Variants in NBPF15 observed in about 807,000 individuals in gnomAD.
NBPF15 encodes NBPF member 15.
In NBPF15, 74 loss-of-function variants were observed where a neutral mutation model predicts 62.2. The observed-to-expected ratio is 1.19, with a 90% CI of 0.99 to 1.44. The LOEUF is 1.44. NBPF15 is among the 40% of genes most tolerant of loss of function. The pLI is 0.00. For missense variants in NBPF15, 790 were observed against 550.0 expected, an observed-to-expected ratio of 1.44 and a Z score of -4.36; for synonymous variants, 244 against 209.7, an observed-to-expected ratio of 1.16 and a Z score of -1.41.
intron 4 of NBPF15, among the ~76,000 whole-genome samples, chr1:144,455,479 C>G (rs1398743524): frequency 1.3e-5 from 2 of 152,006 alleles, no homozygotes; most frequent in African/African-American, 4.8e-5. Context: ...CATTATTCCT[C>G]TGGCCCACTG....
At chr1:144,429,118 A>C (rs1247555445) in intron 14 of NBPF15, among the ~76,000 whole-genome samples, 2 of 151,880 alleles carry the variant, frequency 1.3e-5, no homozygotes, top group Non-Finnish European at 2.9e-5. Flanking sequence ...AGCATCAGCT[A>C]TTATGGCTTT....
At chr1:144,458,767 G>C (rs1212791526) in intron 3 of NBPF15, among the ~76,000 whole-genome samples, 1 of 152,098 alleles carries the variant, frequency 6.6e-6, no homozygotes, top group South Asian at 2.1e-4. Context: ...TAGCCGGGTG[G>C]GGTGGCTCAT....
chr1:144,451,201 C>T (rs1306457209), intron 4 of NBPF15, among the ~76,000 whole-genome samples: 4 of 151,864 alleles, frequency 2.6e-5, no homozygotes, highest in South Asian at 2.1e-4. Flanking sequence ...GAAAAAAGTG[C>T]TGTGCTTTTG....
At chr1:144,429,376 G>T (rs1234065898) in intron 14 of NBPF15, among the ~76,000 whole-genome samples, 1 of 151,266 alleles carries the variant, frequency 6.6e-6, no homozygotes, top group African/African-American at 2.5e-5. Context: ...TAATTCAGAT[G>T]AGCTGAGCTG....
At chr1:144,459,990 TGTGGTG>T (rs1326540798) in intron 2 of NBPF15, among the ~76,000 whole-genome samples, 4 of 150,362 alleles carry the variant, frequency 2.7e-5, no homozygotes, top group Non-Finnish European at 4.4e-5. Flanking sequence ...TTTCTTGATC[TGTGGTG>T]GTTCACTTGG....
At chr1:144,451,840 A>G (rs1429198096) in intron 4 of NBPF15, among the ~76,000 whole-genome samples, 3 of 151,230 alleles carry the variant, frequency 2.0e-5, no homozygotes, top group Admixed American at 6.6e-5. Flanking sequence ...CACAGTAACA[A>G]TCTGATATCT....
intron 17 of NBPF15, among the ~76,000 whole-genome samples, chr1:144,426,796 A>C (rs1280373060): frequency 2.6e-5 from 4 of 151,244 alleles, no homozygotes; most frequent in African/African-American, 4.9e-5. Flanking sequence ...TTTTCCATAA[A>C]CTTGCTCAAG....
intron 6 of NBPF15, among the ~76,000 whole-genome samples, chr1:144,444,161 G>C (rs1220145708): frequency 1.3e-5 from 2 of 150,892 alleles, no homozygotes; most frequent in African/African-American, 4.9e-5. Flanking sequence ...GGGCTATTAT[G>C]AAGAAACTAT....
chr1:144,428,860 C>T (rs1222786781), intron 14 of NBPF15, among the ~76,000 whole-genome samples: 2 of 151,856 alleles, frequency 1.3e-5, no homozygotes, highest in Non-Finnish European at 2.9e-5. Flanking sequence ...GGCAAAATTC[C>T]CCTGTTTTGG....
At chr1:144,442,649 T>A (rs1158861457) in intron 6 of NBPF15, 1 of 154,556 alleles carries the variant, frequency 6.5e-6, no homozygotes, top group Non-Finnish European at 1.5e-5. Context: ...GACACGGCCA[T>A]TGTTGGCAAC....
chr1:144,456,022 C>G (rs12035621), intron 4 of NBPF15, among the ~76,000 whole-genome samples: 1 of 151,972 alleles, frequency 6.6e-6, no homozygotes, highest in Non-Finnish European at 1.5e-5. Context: ...ACACATTATA[C>G]TGGCAACTGA....
At chr1:144,428,935 A>G in intron 14 of NBPF15, among the ~76,000 whole-genome samples, 1 of 152,164 alleles carries the variant, frequency 6.6e-6, no homozygotes, top group East Asian at 1.9e-4. Flanking sequence ...TTTTTCCCCA[A>G]TAAATTGTAG....
chr1:144,435,105 G>A lies in NBPF15; in HGVS notation c.772+6C>T, dbSNP rs782568519. On this transcript the variant is annotated splice_donor_region_variant and intron_variant, in intron 12 of 21. Transcript: ENST00000581897. ...AGGTATGAGACACAAGGAAAACAGA[G>A]GCTACCTGGAATAATGTGTACAGCA... is the stretch of plus-strand genomic sequence containing the variant. The A allele has an allele frequency of 8.1e-5, 131 of 1,612,626 alleles. 1 individual carries two copies. The Middle Eastern group carries it at 9.6e-4, about 12-fold the overall frequency.
intron 4 of NBPF15, among the ~76,000 whole-genome samples, chr1:144,451,962 G>A (rs1406474038): frequency 1.3e-5 from 2 of 151,590 alleles, no homozygotes; most frequent in African/African-American, 4.9e-5. Context: ...GACCAACCTG[G>A]CCAACATGAA....
At chr1:144,450,560 T>C (rs1690434789) in intron 5 of NBPF15, among the ~76,000 whole-genome samples, 1 of 150,394 alleles carries the variant, frequency 6.6e-6, no homozygotes, top group African/African-American at 2.5e-5. Flanking sequence ...CACATGACTC[T>C]GATCAGAGAA....
Position 144,425,521 on chromosome 1 carries a change from G to C in NBPF15, c.1486C>G (p.Pro496Ala). Residue 496 changes from proline (P) to alanine (A), a missense_variant, in exon 19 of 22, where the codon CCC becomes GCC. Pro to Ala is a conservative substitution (Grantham distance 27). Coordinates refer to ENST00000581897, the MANE Select transcript of NBPF15 (RefSeq NM_001385408.1). ...EEEEDQGPPC[P>A]RLSRELLEVV... ...TGTTCACAATTGCTCAGTTACCTGG[G>C]GCATGGTGGGCCTTGGTCTTCTTCC... 2.4e-6 allele frequency: 1 copy of C among 420,640 alleles called. No homozygotes were observed. Among genetic ancestry groups the C allele is most frequent in the Non-Finnish European group, 4.1e-6 (1 of 243,810 alleles). 26.1% of individuals were successfully genotyped at this position (420,640 alleles called of 1,614,324 possible). A position where few individuals can be genotyped will look rare whatever the true frequency, so the allele number is the denominator to read the frequency against.
rs1667559278 is a variant in NBPF15 at position 144,423,860 on chromosome 1, T to G, written c.1769+10A>C. ...CACAGAATTAAGCATCCACAATTGC[T>G]GAAAGTTACCTGGGGCATGGTGGGT... On this transcript the variant is annotated intron_variant, in intron 21 of 21. Coordinates refer to ENST00000581897, the MANE Select transcript of NBPF15 (RefSeq NM_001385408.1). The G allele has an allele frequency of 1.3e-6, 1 of 766,112 alleles. No homozygotes were observed. Among genetic ancestry groups the G allele is most frequent in the African/African-American group, 1.7e-5 (1 of 59,174 alleles). The allele number at this position is 766,112 out of a possible 1,614,324, so 47.5% of individuals were successfully genotyped here. A position where few individuals can be genotyped will look rare whatever the true frequency, so the allele number is the denominator to read the frequency against.
At chr1:144,428,549 A>G in intron 15 of NBPF15, 57 bp downstream of exon 15, 1 of 664,196 alleles carries the variant, frequency 1.5e-6, no homozygotes, top group Non-Finnish European at 2.7e-6. Flanking sequence ...TTTTCCCTGG[A>G]CTTGGCATCT....
chr1:144,427,434 G>T (rs1395765414), intron 16 of NBPF15, among the ~76,000 whole-genome samples: 1 of 148,406 alleles, frequency 6.7e-6, no homozygotes, highest in African/African-American at 2.5e-5. Flanking sequence ...ATTCAGCCCT[G>T]TCTCATCAAA....
Sources: gnomAD v4.1 joint callset for allele counts (sites outside exome capture counted in the v4.1 genomes callset) on GRCh38, gnomAD v4.1.1 for gene constraint, MANE v1.5 for transcripts, NCBI Gene and HGNC (gene_info 2026-07-23, HGNC 2026-07-21) for gene names.